OPHN1: variants seen among roughly 807,000 people sequenced by gnomAD.
OPHN1 encodes the protein oligophrenin-1.
OPHN1 carries 11 observed loss-of-function variants against 60.7 expected under a neutral mutation model. The ratio of observed to expected loss-of-function variants is 0.18; its 90% confidence interval spans 0.11 to 0.30. The LOEUF is 0.30. Among genes scored for constraint, OPHN1 ranks in the 10% least tolerant of loss-of-function variants. OPHN1 has a pLI of 1.00. For missense variants in OPHN1, 449 were observed against 611.0 expected (o/e 0.73, Z 2.80); for synonymous variants, 226 against 222.6 (o/e 1.02, Z -0.14).
In OPHN1 at chrX:68,128,932, G is replaced by A. The variant is rs547002607; in HGVS notation, c.1277-9600C>T. 9.0e-5 allele frequency among the ~76,000 whole-genome samples: 10 copies of A among 111,467 alleles called. No individual in the cohort carries two copies. In the South Asian group the frequency reaches 1.5e-3, roughly 17 times the overall value. On this transcript the variant is annotated intron_variant, in intron 15 of 24. Coordinates refer to ENST00000355520, the MANE Select transcript of OPHN1 (RefSeq NM_002547.3). Reference sequence around the variant, plus strand: ...TAAGAACTTAATGTACAATAAAAGCGGCATTTTAAATTGGTGGAAAAAAAG... The same window carrying A: ...TAAGAACTTAATGTACAATAAAAGCAGCATTTTAAATTGGTGGAAAAAAAG...
chrX:68,311,676 G>T (rs866207824), intron 2 of OPHN1, among the ~76,000 whole-genome samples: 1 of 111,930 alleles, frequency 8.9e-6, no homozygotes, highest in Admixed American at 9.5e-5. Flanking sequence ...CAAGTGATGC[G>T]CCCACCTCGG....
chrX:68,287,812 C>A (rs1478227316), intron 3 of OPHN1, among the ~76,000 whole-genome samples: 1 of 111,719 alleles, frequency 9.0e-6, no homozygotes, highest in Non-Finnish European at 1.9e-5. Flanking sequence ...AATTTTGGTT[C>A]GTTTTTGGAG....
At position 68,398,821 on chromosome X, in the gene OPHN1, C is replaced by T. The variant is rs188799223; in HGVS notation, c.154+34046G>A. On this transcript the variant is annotated intron_variant, in intron 2 of 24. Coordinates refer to ENST00000355520, the MANE Select transcript of OPHN1 (RefSeq NM_002547.3). The stretch of plus-strand genomic sequence containing the variant: ...AAAATTAGCCAGGCGTAGTGGTGGG[C>T]GCCTGTAATCCAAGCTACTCAGGAG... 3.6e-5 allele frequency among the ~76,000 whole-genome samples: 4 copies of T among 109,830 alleles called. No individual in the cohort carries two copies. The East Asian group carries it at 8.7e-4, about 24-fold the overall frequency.
At chrX:68,370,368 G>GT (rs1479133773) in intron 2 of OPHN1, among the ~76,000 whole-genome samples, 1 of 110,075 alleles carries the variant, frequency 9.1e-6, no homozygotes, top group African/African-American at 3.3e-5. Flanking sequence ...TTAGCTGGGT[G>GT]TGGTGGTACA....
At chrX:68,383,865 A>G (rs751952332) in intron 2 of OPHN1, among the ~76,000 whole-genome samples, 1 of 110,666 alleles carries the variant, frequency 9.0e-6, no homozygotes, top group East Asian at 2.9e-4. Flanking sequence ...CCTCAGTGTT[A>G]CTGGTGACAA....
At chrX:68,265,392 C>A (rs999759174) in intron 5 of OPHN1, among the ~76,000 whole-genome samples, 1 of 111,956 alleles carries the variant, frequency 8.9e-6, no homozygotes, top group African/African-American at 3.2e-5. Flanking sequence ...GTTCTGCAAC[C>A]TCTGCTGCCG....
rs192642265 is a variant in OPHN1, at chrX:68,166,663, T to C, written c.1276+26256A>G. 1.9e-4 allele frequency among the ~76,000 whole-genome samples: 21 copies of C among 111,824 alleles called. No homozygotes were observed. The Admixed American group carries it at 2.0e-3, about 11-fold the overall frequency. ...TACTACACAGCTATAGTAACCAAAA[T>C]AGCAAGGTGCTGGTGTAAAAACGGA... On this transcript the variant is annotated intron_variant, in intron 15 of 24. Transcript: ENST00000355520.
intron 15 of OPHN1, among the ~76,000 whole-genome samples, chrX:68,166,502 C>G (rs1213933331): frequency 9.0e-6 from 1 of 111,114 alleles, no homozygotes; most frequent in African/African-American, 3.3e-5. Flanking sequence ...CCACTGCACT[C>G]CAGCCTGGGC....
intron 3 of OPHN1, among the ~76,000 whole-genome samples, chrX:68,295,703 T>C (rs374175826): frequency 8.9e-5 from 10 of 112,075 alleles, no homozygotes; most frequent in African/African-American, 3.2e-4. Context: ...CTGTTAGACA[T>C]AAACTATTCA....
At chrX:68,173,747 T>C (rs2077401359) in intron 15 of OPHN1, among the ~76,000 whole-genome samples, 2 of 111,257 alleles carry the variant, frequency 1.8e-5, no homozygotes, top group Admixed American at 1.9e-4. Flanking sequence ...TTGTACAGCA[T>C]TGAGAATGAG....
intron 2 of OPHN1, among the ~76,000 whole-genome samples, chrX:68,404,385 C>T (rs1208238113): frequency 1.8e-5 from 2 of 111,098 alleles, no homozygotes; most frequent in Admixed American, 9.6e-5. Flanking sequence ...GTCTCCATCT[C>T]TTGACCTCAT....
rs771955611 is a variant in OPHN1 at position 68,201,759 on chromosome X, A to T, written c.934-49T>A. The T allele has an allele frequency of 2.9e-5, 30 of 1,048,554 alleles. No homozygotes were observed. In the South Asian group the frequency reaches 5.2e-4, roughly 18 times the overall value. The allele number at this position is 1,048,554 out of a possible 1,213,427, so 86.4% of individuals were successfully genotyped here. A position where few individuals can be genotyped will look rare whatever the true frequency, so the allele number is the denominator to read the frequency against. ...GGCAATTTTTAAAAAAAGACACAGA[A>T]GCTGTTTCTGCTTCCTACAGTGTCT... On this transcript the variant is annotated intron_variant, in intron 10 of 24. Transcript: ENST00000355520.
At chrX:68,250,281 A>T (rs2077826911) in intron 5 of OPHN1, among the ~76,000 whole-genome samples, 1 of 112,823 alleles carries the variant, frequency 8.9e-6, no homozygotes, top group Non-Finnish European at 1.9e-5. Flanking sequence ...AGTCATCTTT[A>T]AAATGTATAG....
At chrX:68,223,130 G>C (rs1359531143) in intron 6 of OPHN1, among the ~76,000 whole-genome samples, 1 of 111,075 alleles carries the variant, frequency 9.0e-6, no homozygotes, top group Non-Finnish European at 1.9e-5. Flanking sequence ...ACAGTATAGA[G>C]ATCTCTCAAA....
intron 2 of OPHN1, among the ~76,000 whole-genome samples, chrX:68,319,878 G>C (rs1202331433): frequency 2.7e-5 from 3 of 110,321 alleles, no homozygotes; most frequent in African/African-American, 9.9e-5. Flanking sequence ...TCTCACAAAG[G>C]ACTCATATAT....
intron 2 of OPHN1, among the ~76,000 whole-genome samples, chrX:68,348,851 C>A (rs1390372489): frequency 9.0e-6 from 1 of 111,139 alleles, no homozygotes; most frequent in Non-Finnish European, 1.9e-5. Flanking sequence ...AAATTCCAGG[C>A]AGAGGAAACA....
At chrX:68,094,765 G>A (rs903931194) in intron 19 of OPHN1, among the ~76,000 whole-genome samples, 4 of 110,591 alleles carry the variant, frequency 3.6e-5, no homozygotes, top group Middle Eastern at 4.3e-3. Context: ...TTATCTCTTC[G>A]AGCCCATCTT....
At chrX:68,225,977 C>G (rs972313429) in intron 6 of OPHN1, among the ~76,000 whole-genome samples, 3 of 111,403 alleles carry the variant, frequency 2.7e-5, no homozygotes, top group Admixed American at 9.6e-5. Flanking sequence ...AGCTAAAAAC[C>G]TTGAAAAAAG....
At chrX:68,217,279 C>T (rs999406793) in intron 6 of OPHN1, among the ~76,000 whole-genome samples, 6 of 112,177 alleles carry the variant, frequency 5.3e-5, no homozygotes, top group African/African-American at 9.7e-5. Flanking sequence ...GAGGATCCTA[C>T]GCCCACGCAG....
Sources: allele counts gnomAD v4.1 joint callset (sites outside exome capture counted in the v4.1 genomes callset), GRCh38; gene constraint gnomAD v4.1.1; transcripts MANE v1.5; gene names NCBI Gene and HGNC (gene_info 2026-07-23, HGNC 2026-07-21).